Variants in SLC9A8 observed in about 807,000 individuals in gnomAD.
SLC9A8 encodes solute carrier family 9 member A8.
In SLC9A8, 48 loss-of-function variants were observed where a neutral mutation model predicts 66.6. That is an observed-to-expected ratio of 0.72 (90% CI 0.57 to 0.92). SLC9A8 has a LOEUF of 0.92. Among genes scored for constraint, SLC9A8 ranks in the 40% least tolerant of loss-of-function variants. The pLI is 0.00. For synonymous variants in SLC9A8, 274 were observed against 282.6 expected (o/e 0.97, Z 0.31); for missense variants, 599 against 747.3 (o/e 0.80, Z 2.31).
chr20:49,866,723 C>T (rs2088984083), intron 10 of SLC9A8, among the ~76,000 whole-genome samples: 1 of 152,174 alleles, frequency 6.6e-6, no homozygotes, highest in Non-Finnish European at 1.5e-5. Flanking sequence ...CCGCCTTCCT[C>T]TTCCCCTTGA....
At chr20:49,826,229 G>T (rs1260997827) in intron 3 of SLC9A8, among the ~76,000 whole-genome samples, 1 of 152,188 alleles carries the variant, frequency 6.6e-6, no homozygotes, top group Non-Finnish European at 1.5e-5. Flanking sequence ...ATTTGTAAAT[G>T]CTGACATAGC....
At chr20:49,870,984 G>A (rs1289914366) in intron 10 of SLC9A8, among the ~76,000 whole-genome samples, 1 of 152,204 alleles carries the variant, frequency 6.6e-6, no homozygotes, top group Non-Finnish European at 1.5e-5. Flanking sequence ...ACAAGTGTGA[G>A]CCACCATGCC....
chr20:49,835,507 C>A (rs1026977372), intron 3 of SLC9A8, among the ~76,000 whole-genome samples: 2 of 151,988 alleles, frequency 1.3e-5, no homozygotes, highest in African/African-American at 4.8e-5. Flanking sequence ...CAGTCACTCC[C>A]CATTTCCACA....
rs112439985 is a variant in SLC9A8 at position 49,845,131 on chromosome 20, G to A, written c.432+12G>A. The A allele has an allele frequency of 1.8e-5, 29 of 1,578,840 alleles. No homozygotes were observed. In the African/African-American group the frequency reaches 2.6e-4, roughly 14 times the overall value. ...ATTCATTACACAAGGTGAGACTCAG[G>A]CACACATTGGTGCTTTGGTCTGGAC... On this transcript the variant is annotated intron_variant, in intron 5 of 15. Coordinates refer to ENST00000361573, the MANE Select transcript of SLC9A8 (RefSeq NM_015266.3).
chr20:49,887,822 G>T lies in SLC9A8; in HGVS notation c.1639-7G>T. On this transcript the variant is annotated splice_region_variant and splice_polypyrimidine_tract_variant and intron_variant, in intron 15 of 15. Transcript: ENST00000361573. ...CCCTGACGGCTTGGTTGTGTCTCTCGACCCAGGACCTGCACCACGGGCGCA... is the reference window on the plus strand; with the variant it reads ...CCCTGACGGCTTGGTTGTGTCTCTCTACCCAGGACCTGCACCACGGGCGCA... The T allele has an allele frequency of 1.3e-6, 2 of 1,585,872 alleles. No homozygotes were observed. The highest frequency in any genetic ancestry group is 2.3e-5 in the South Asian group (2 of 87,798).
At chr20:49,828,073 A>ATTTTTTTT (rs58366162) in intron 3 of SLC9A8, among the ~76,000 whole-genome samples, 2 of 81,530 alleles carry the variant, frequency 2.5e-5, no homozygotes, top group African/African-American at 5.0e-5. Flanking sequence ...CCAAAAAAAA[A>ATTTTTTTT]TTTTTTTTTT....
chr20:49,842,703 A>G (rs2087817782), intron 4 of SLC9A8, among the ~76,000 whole-genome samples: 1 of 152,188 alleles, frequency 6.6e-6, no homozygotes, highest in South Asian at 2.1e-4. Flanking sequence ...GAACTGTAAC[A>G]CTATTTCCCT....
rs1342587776 is a variant in SLC9A8, at chr20:49,817,865, CT to C, written c.208+2681del. Among the ~76,000 whole-genome samples the C allele has an allele frequency of 3.9e-5, 6 of 152,112 alleles. No homozygotes were observed. In the East Asian group the frequency reaches 9.6e-4, roughly 24 times the overall value. Reference sequence around the variant, plus strand: ...GAAGGACTCTCTTTTGTTTTATTTTCTTTTTCTTTTGTGATAGTAGTCGAAG... The same window carrying C: ...GAAGGACTCTCTTTTGTTTTATTTTCTTTTCTTTTGTGATAGTAGTCGAAG... On this transcript the variant is annotated intron_variant, in intron 2 of 15. Coordinates refer to ENST00000361573, the MANE Select transcript of SLC9A8 (RefSeq NM_015266.3).
chr20:49,818,357 C>CT (rs2086627568), intron 2 of SLC9A8, among the ~76,000 whole-genome samples: 1 of 151,994 alleles, frequency 6.6e-6, no homozygotes, highest in Non-Finnish European at 1.5e-5. Flanking sequence ...GTTAGTGTCT[C>CT]TGCTTATGTG....
Position 49,874,645 on chromosome 20 carries a change from G to A in SLC9A8, c.959-60G>A, listed in dbSNP as rs566670243. The A allele has an allele frequency of 3.7e-6, 4 of 1,069,020 alleles. No homozygotes were observed. The East Asian group carries it at 7.1e-5, about 19-fold the overall frequency. The allele number at this position is 1,069,020 out of a possible 1,614,324, so 66.2% of individuals were successfully genotyped here. A position where few individuals can be genotyped will look rare whatever the true frequency, so the allele number is the denominator to read the frequency against. On this transcript the variant is annotated intron_variant, in intron 10 of 15. Transcript: ENST00000361573. ...TAGGCCCCAGGGCCTTGCAGGCATT[G>A]TGAGATCTGAGTTGGGGATCACACG...
At chr20:49,835,565 T>G (rs548688888) in intron 3 of SLC9A8, among the ~76,000 whole-genome samples, 1 of 152,194 alleles carries the variant, frequency 6.6e-6, no homozygotes, top group Admixed American at 6.6e-5. Context: ...ACTTTCTGTC[T>G]GTGAATTTGC....
At chr20:49,874,845 G>A (rs369732516) in intron 11 of SLC9A8, 24 bp downstream of exon 11, 46 of 1,464,568 alleles carry the variant, frequency 3.1e-5, no homozygotes, top group South Asian at 7.9e-5. Context: ...CTGTGTGGCC[G>A]TGAGCAGGCC....
intron 10 of SLC9A8, among the ~76,000 whole-genome samples, chr20:49,866,081 G>A (rs531159835): frequency 2.0e-5 from 3 of 152,206 alleles, no homozygotes; most frequent in Admixed American, 1.3e-4. Context: ...TATTCTTATC[G>A]CCCAGTGTGG....
chr20:49,818,278 A>G (rs1198931429), intron 2 of SLC9A8, among the ~76,000 whole-genome samples: 4 of 152,186 alleles, frequency 2.6e-5, no homozygotes, highest in East Asian at 3.8e-4. Context: ...TTATAAACCT[A>G]GACTCTAGAG....
intron 4 of SLC9A8, among the ~76,000 whole-genome samples, chr20:49,844,330 C>T (rs956580356): frequency 6.6e-6 from 1 of 152,070 alleles, no homozygotes; most frequent in Non-Finnish European, 1.5e-5. Flanking sequence ...TTAGGGCTTG[C>T]CATTACCTTT....
intron 14 of SLC9A8, 89 bp downstream of exon 14, chr20:49,884,155 C>T (rs2089734516): frequency 9.0e-7 from 1 of 1,115,778 alleles, no homozygotes; most frequent in Non-Finnish European, 1.3e-6. Flanking sequence ...GGGAGATGAG[C>T]CTTGCTTTCT....
intron 3 of SLC9A8, among the ~76,000 whole-genome samples, chr20:49,827,709 C>G (rs904685003): frequency 1.3e-5 from 2 of 151,740 alleles, no homozygotes; most frequent in African/African-American, 4.8e-5. Flanking sequence ...CCCCAAAAAT[C>G]ATGCTTTATT....
At chr20:49,859,654 CT>C (rs547400571) in intron 8 of SLC9A8, among the ~76,000 whole-genome samples, 7 of 152,102 alleles carry the variant, frequency 4.6e-5, no homozygotes, top group Admixed American at 2.0e-4. Flanking sequence ...GAGTTACCCC[CT>C]TTTTGATGTT....
chr20:49,839,615 GGTT>G lies in SLC9A8; in HGVS notation c.348+20_348+22del, dbSNP rs761064845. 6.4e-7 allele frequency: 1 copy of G among 1,570,666 alleles called. No homozygotes were observed. Among genetic ancestry groups the G allele is most frequent in the East Asian group, 2.3e-5 (1 of 44,320 alleles). ...GAATTGGAAGGTAGGTTTGCCCTTTGGTTGTTCTTAATTTTAGTAACATTGATC... is the reference window on the plus strand; with the variant it reads ...GAATTGGAAGGTAGGTTTGCCCTTTGGTTCTTAATTTTAGTAACATTGATC... On this transcript the variant is annotated intron_variant, in intron 4 of 15. Coordinates refer to ENST00000361573, the MANE Select transcript of SLC9A8 (RefSeq NM_015266.3).
Sources: gnomAD v4.1 joint callset for allele counts (sites outside exome capture counted in the v4.1 genomes callset) on GRCh38, gnomAD v4.1.1 for gene constraint, MANE v1.5 for transcripts, NCBI Gene and HGNC (gene_info 2026-07-23, HGNC 2026-07-21) for gene names.